ASIC2: variants seen among roughly 807,000 people sequenced by gnomAD.
The protein encoded by ASIC2 is acid-sensing ion channel 2.
In ASIC2, 25 loss-of-function variants were observed where a neutral mutation model predicts 57.3. The observed-to-expected ratio is 0.44, with a 90% confidence interval of 0.32 to 0.61. The LOEUF (loss-of-function observed/expected upper bound fraction) is 0.61, where lower values mean the gene tolerates loss of function less well. Ranked by LOEUF, ASIC2 falls within the 20% of genes least tolerant of loss-of-function variation. The probability of loss-of-function intolerance (pLI) is 0.06; values close to 1 mark genes in which losing one functional copy is unlikely to be tolerated. For missense variants in ASIC2, 641 were observed against 738.1 expected (o/e 0.87, Z 1.52); for synonymous variants, 319 against 307.5 (o/e 1.04, Z -0.39).
At chr17:33,941,907 T>A (rs1157378120) in intron 1 of ASIC2, among the ~76,000 whole-genome samples, 2 of 152,188 alleles carry the variant, frequency 1.3e-5, no homozygotes, top group African/African-American at 2.4e-5. Flanking sequence ...TGGCTGCTGT[T>A]ACTACCACCC....
At chr17:33,718,724 GGGGAGGAGGAAACAGT>G (rs1416293773) in intron 1 of ASIC2, among the ~76,000 whole-genome samples, 6 of 152,164 alleles carry the variant, frequency 3.9e-5, no homozygotes, top group African/African-American at 1.4e-4. Flanking sequence ...GTGGGAGGTG[GGGGAGGAGGAAACAGT>G]GGGAGAACAC....
In ASIC2 at chr17:33,978,403, C is replaced by G. The variant is rs192199215; in HGVS notation, c.555+177575G>C. Among the ~76,000 whole-genome samples the G allele has an allele frequency of 2.0e-5, 3 of 152,330 alleles. No homozygotes were observed. In the East Asian group the frequency reaches 5.8e-4, roughly 29 times the overall value. On this transcript the variant is annotated intron_variant, in intron 1 of 9. Transcript: ENST00000359872. ...GCCAGACTGCCCCGTCAAGATCCAG[C>G]CTGCCTTTCACTGACTGTGTGATTA...
intron 1 of ASIC2, among the ~76,000 whole-genome samples, chr17:33,553,275 G>T (rs923304495): frequency 3.3e-5 from 5 of 152,134 alleles, no homozygotes; most frequent in African/African-American, 4.8e-5. Context: ...GGTGGTAACT[G>T]AATATGTGGT....
chr17:33,738,334 C>T (rs1909989156), intron 1 of ASIC2, among the ~76,000 whole-genome samples: 1 of 152,200 alleles, frequency 6.6e-6, no homozygotes, highest in Non-Finnish European at 1.5e-5. Context: ...TGGTGCTTGT[C>T]ATCCTTCCCC....
chr17:33,759,942 G>C (rs1326234135), intron 1 of ASIC2, among the ~76,000 whole-genome samples: 1 of 152,150 alleles, frequency 6.6e-6, no homozygotes, highest in South Asian at 2.1e-4. Flanking sequence ...GTAATGCCTA[G>C]TGGAGCCATG....
intron 1 of ASIC2, among the ~76,000 whole-genome samples, chr17:33,578,925 G>A (rs879665810): frequency 3.9e-5 from 6 of 152,198 alleles, no homozygotes; most frequent in Non-Finnish European, 7.3e-5. Context: ...GATGGGGTCA[G>A]AATTCTCTAG....
At chr17:33,317,539 T>C (rs1906705606) in intron 1 of ASIC2, among the ~76,000 whole-genome samples, 2 of 152,212 alleles carry the variant, frequency 1.3e-5, no homozygotes, top group African/African-American at 4.8e-5. Context: ...TTCCTTCTCC[T>C]TTTTACAATT....
At chr17:33,478,904 A>G (rs1913314305) in intron 1 of ASIC2, among the ~76,000 whole-genome samples, 2 of 152,256 alleles carry the variant, frequency 1.3e-5, no homozygotes, top group African/African-American at 4.8e-5. Context: ...GGACTTCATT[A>G]GAAGAAAACT....
intron 1 of ASIC2, among the ~76,000 whole-genome samples, chr17:33,471,513 C>T (rs76345547): frequency 8.5e-5 from 13 of 152,118 alleles, no homozygotes; most frequent in Non-Finnish European, 1.9e-4. Flanking sequence ...GATTTGCTCA[C>T]AGTTATTGGC....
rs559664829 is a variant in ASIC2 at position 33,939,615 on chromosome 17, T to C, written c.555+216363A>G. Among the ~76,000 whole-genome samples, 3 of 152,338 alleles carry C rather than the reference T, an allele frequency of 2.0e-5. No homozygotes were observed. The East Asian group carries it at 5.8e-4, about 29-fold the overall frequency. ...AATCCTGGAGACAAACTGGCTGTAC[T>C]GGATTTCTACAGTGGAGTCAATTCC... On this transcript the variant is annotated intron_variant, in intron 1 of 9. Coordinates refer to the ASIC2 transcript ENST00000359872.
intron 1 of ASIC2, among the ~76,000 whole-genome samples, chr17:33,156,556 G>A (rs1905008885): frequency 6.6e-6 from 1 of 151,932 alleles, no homozygotes; most frequent in African/African-American, 2.4e-5. Context: ...AGGAGTTTGA[G>A]ACCAGCCTGA....
chr17:33,999,480 T>A (rs1305736094), intron 1 of ASIC2, among the ~76,000 whole-genome samples: 2 of 152,206 alleles, frequency 1.3e-5, no homozygotes, highest in Non-Finnish European at 2.9e-5. Flanking sequence ...TTTGATAATT[T>A]TTCATAGTTG....
chr17:34,075,050 G>A (rs998315635), intron 1 of ASIC2, among the ~76,000 whole-genome samples: 1 of 152,132 alleles, frequency 6.6e-6, no homozygotes, highest in African/African-American at 2.4e-5. Flanking sequence ...CTCCCAAAGT[G>A]CTGGGATTAC....
At position 33,579,308 on chromosome 17, in the gene ASIC2, A is replaced by C. The variant is rs183773828; in HGVS notation, c.556-467241T>G. Among the ~76,000 whole-genome samples the C allele has an allele frequency of 1.8e-3, 244 of 139,064 alleles. 1 individual carries two copies. Among genetic ancestry groups the C allele is most frequent in the African/African-American group, 6.4e-3 (237 of 36,868 alleles). 91.2% of individuals were successfully genotyped at this position (139,064 alleles called of 152,430 possible). The stretch of plus-strand genomic sequence containing the variant: ...TCTCAAAAAAAAAAAAAAAAAATGC[A>C]GGTGGGTGACTCAGATGTTGGCTCA... On this transcript the variant is annotated intron_variant, in intron 1 of 9. Coordinates refer to the ASIC2 transcript ENST00000359872.
Position 33,377,313 on chromosome 17 carries a change from A to G in ASIC2, c.556-265246T>C, listed in dbSNP as rs555989438. Among the ~76,000 whole-genome samples, 23 of 152,364 alleles carry G rather than the reference A, an allele frequency of 1.5e-4. No homozygotes were observed. The South Asian group carries it at 3.9e-3, about 26-fold the overall frequency. ...GGATCCACCTGCCTCAGCCTCCCAA[A>G]GTGCTGCAATTACAGGCGTGAGCCA... is the stretch of plus-strand genomic sequence containing the variant. On this transcript the variant is annotated intron_variant, in intron 1 of 9. Coordinates refer to the ASIC2 transcript ENST00000359872.
chr17:33,119,856 C>G (rs147502222), intron 1 of ASIC2, among the ~76,000 whole-genome samples: 1 of 152,298 alleles, frequency 6.6e-6, no homozygotes, highest in African/African-American at 2.4e-5. Flanking sequence ...CAGGAGGCCA[C>G]ATGTTTTTCA....
At chr17:33,113,709 G>A (rs1413767089) in intron 1 of ASIC2, among the ~76,000 whole-genome samples, 1 of 152,230 alleles carries the variant, frequency 6.6e-6, no homozygotes, top group Non-Finnish European at 1.5e-5. Flanking sequence ...ATGCTTATCT[G>A]TTATCTCATT....
chr17:33,848,103 C>A (rs781605886), intron 1 of ASIC2, among the ~76,000 whole-genome samples: 6 of 152,168 alleles, frequency 3.9e-5, no homozygotes, highest in Non-Finnish European at 8.8e-5. Context: ...AGAGCCTGAG[C>A]TCTTTGCATT....
At chr17:33,772,651 A>C (rs1198963044) in intron 1 of ASIC2, among the ~76,000 whole-genome samples, 1 of 152,218 alleles carries the variant, frequency 6.6e-6, no homozygotes, top group Non-Finnish European at 1.5e-5. Context: ...CTGTATGTGT[A>C]CTATGCCATA....
Sources: gnomAD v4.1 joint callset for allele counts (sites outside exome capture counted in the v4.1 genomes callset) on GRCh38, gnomAD v4.1.1 for gene constraint, MANE v1.5 for transcripts, NCBI Gene and HGNC (gene_info 2026-07-23, HGNC 2026-07-21) for gene names.